The following MACROD2 variants were observed in gnomAD, a reference collection of about 807,000 sequenced individuals.
The protein encoded by MACROD2 is ADP-ribose glycohydrolase MACROD2.
A neutral mutation model predicts 70.4 loss-of-function variants in MACROD2; 36 were observed. The ratio of observed to expected loss-of-function variants is 0.51; its 90% CI spans 0.39 to 0.68. The LOEUF is 0.68. Ranked by LOEUF, MACROD2 falls within the 30% of genes least tolerant of loss-of-function variation. MACROD2 has a pLI of 0.00. For synonymous variants in MACROD2, 172 were observed against 178.8 expected, an observed-to-expected ratio of 0.96 and a Z score of 0.30; for missense variants, 496 against 538.4, an observed-to-expected ratio of 0.92 and a Z score of 0.78.
intron 13 of MACROD2, among the ~76,000 whole-genome samples, chr20:15,976,636 A>G (rs2066310317): frequency 6.6e-6 from 1 of 152,258 alleles, no homozygotes; most frequent in African/African-American, 2.4e-5. Flanking sequence ...CAAGGCAGTC[A>G]GGCATACCTT....
intron 6 of MACROD2, among the ~76,000 whole-genome samples, chr20:15,374,754 T>C (rs1375140784): frequency 2.6e-5 from 4 of 152,208 alleles, no homozygotes; most frequent in African/African-American, 9.7e-5. Context: ...ACGTACATCA[T>C]TGCATTTATA....
intron 13 of MACROD2, among the ~76,000 whole-genome samples, chr20:15,982,821 T>C (rs927552176): frequency 2.0e-5 from 3 of 152,236 alleles, no homozygotes; most frequent in Admixed American, 6.5e-5. Context: ...GGCAGGACTT[T>C]ATGTTTAGGT....
intron 15 of MACROD2, among the ~76,000 whole-genome samples, chr20:16,001,231 T>C (rs1285989377): frequency 6.6e-6 from 1 of 152,238 alleles, no homozygotes; most frequent in Non-Finnish European, 1.5e-5. Context: ...ACTTTGAATG[T>C]TAATTATTTT....
At chr20:15,912,658 T>C (rs995762005) in intron 10 of MACROD2, among the ~76,000 whole-genome samples, 42 of 152,324 alleles carry the variant, frequency 2.8e-4, no homozygotes, top group African/African-American at 9.4e-4. Context: ...TGAAACATGA[T>C]GAAAACATCA....
At chr20:15,199,982 C>A (rs917029842) in intron 5 of MACROD2, among the ~76,000 whole-genome samples, 1 of 152,158 alleles carries the variant, frequency 6.6e-6, no homozygotes, top group Admixed American at 6.5e-5. Flanking sequence ...CATAATGATA[C>A]CAACTCAGAT....
intron 3 of MACROD2, among the ~76,000 whole-genome samples, chr20:14,279,405 GCA>G (rs1297893608): frequency 6.6e-6 from 1 of 151,956 alleles, no homozygotes; most frequent in Non-Finnish European, 1.5e-5. Flanking sequence ...TCTGTGAATT[GCA>G]GTAAATTTCT....
chr20:15,471,172 A>C (rs1334655788), intron 7 of MACROD2, among the ~76,000 whole-genome samples: 2 of 152,156 alleles, frequency 1.3e-5, no homozygotes, highest in South Asian at 4.1e-4. Context: ...AACTATCAAC[A>C]TAGGGATGAC....
At chr20:15,537,938 AT>A (rs2047899029) in intron 8 of MACROD2, among the ~76,000 whole-genome samples, 1 of 152,104 alleles carries the variant, frequency 6.6e-6, no homozygotes, top group Non-Finnish European at 1.5e-5. Flanking sequence ...AGAGGCCATA[AT>A]TTTTTCATCA....
chr20:15,942,363 G>A (rs6080038), intron 12 of MACROD2, among the ~76,000 whole-genome samples: 105,221 of 152,070 alleles, frequency 0.69, 36,752 homozygotes, highest in Non-Finnish European at 0.75. Flanking sequence ...TAATTCATCC[G>A]GAATGCATGC....
chr20:15,703,462 A>G (rs534649883), intron 8 of MACROD2, among the ~76,000 whole-genome samples: 1 of 151,920 alleles, frequency 6.6e-6, no homozygotes, highest in East Asian at 1.9e-4. Flanking sequence ...TTAACTTACA[A>G]CCCCCAGTCT....
intron 5 of MACROD2, among the ~76,000 whole-genome samples, chr20:15,009,307 T>C (rs1026389191): frequency 6.6e-6 from 1 of 152,062 alleles, no homozygotes; most frequent in Non-Finnish European, 1.5e-5. Context: ...CTAAAACATA[T>C]AGGATTCTTG....
At chr20:15,017,967 C>G (rs1200479869) in intron 5 of MACROD2, among the ~76,000 whole-genome samples, 1 of 152,200 alleles carries the variant, frequency 6.6e-6, no homozygotes, top group Admixed American at 6.5e-5. Context: ...AGTTCTCTGA[C>G]ATGGCCTGGA....
chr20:14,693,247 G>C (rs958103395), intron 5 of MACROD2, among the ~76,000 whole-genome samples: 3 of 152,154 alleles, frequency 2.0e-5, no homozygotes, highest in Non-Finnish European at 4.4e-5. Flanking sequence ...TAAAAAGAGA[G>C]CCACTGTTGT....
In MACROD2 at chr20:14,388,166, C is replaced by T. The variant is rs761549866; in HGVS notation, c.272-105313C>T. Among the ~76,000 whole-genome samples the T allele has an allele frequency of 3.6e-4, 54 of 151,900 alleles. 1 individual carries two copies. The highest frequency in any genetic ancestry group is 2.5e-4 in the Non-Finnish European group (17 of 67,956). On this transcript the variant is annotated intron_variant, in intron 3 of 17. Transcript: ENST00000684519. The stretch of plus-strand genomic sequence containing the variant: ...CTGGGACTATAGGCGCCTGCCACCA[C>T]GCCCGGCTAATTTTTTTTTGTATTT...
At chr20:15,304,416 C>G (rs1600221056) in intron 6 of MACROD2, among the ~76,000 whole-genome samples, 1 of 152,182 alleles carries the variant, frequency 6.6e-6, no homozygotes, top group African/African-American at 2.4e-5. Context: ...CATCTGGCTT[C>G]TCTTGAAATA....
chr20:15,392,262 G>T (rs905105192), intron 6 of MACROD2, among the ~76,000 whole-genome samples: 7 of 152,006 alleles, frequency 4.6e-5, no homozygotes, highest in South Asian at 4.2e-4. Flanking sequence ...TATGGTTTGG[G>T]TTCACTAATA....
At chr20:14,263,884 A>T (rs1362208863) in intron 3 of MACROD2, among the ~76,000 whole-genome samples, 1 of 150,874 alleles carries the variant, frequency 6.6e-6, no homozygotes, top group East Asian at 2.0e-4. Flanking sequence ...CAGCAGGAGG[A>T]TCACCTGAGC....
intron 6 of MACROD2, among the ~76,000 whole-genome samples, chr20:15,292,537 C>A (rs2077550044): frequency 6.6e-6 from 1 of 152,136 alleles, no homozygotes; most frequent in Non-Finnish European, 1.5e-5. Context: ...AACCCTATAA[C>A]AAAGTACACT....
At chr20:14,701,700 A>G (rs1318262181) in intron 5 of MACROD2, among the ~76,000 whole-genome samples, 1 of 152,186 alleles carries the variant, frequency 6.6e-6, no homozygotes, top group Non-Finnish European at 1.5e-5. Flanking sequence ...ATAATTAATT[A>G]TCATATCAGT....
Sources: allele counts gnomAD v4.1 joint callset (sites outside exome capture counted in the v4.1 genomes callset), GRCh38; gene constraint gnomAD v4.1.1; transcripts MANE v1.5; gene names NCBI Gene and HGNC (gene_info 2026-07-23, HGNC 2026-07-21).